Variants in ANK2 observed in about 807,000 individuals in gnomAD.
ANK2 encodes the protein ankyrin 2.
In ANK2, 83 loss-of-function variants were observed where a neutral mutation model predicts 360.5. The observed-to-expected ratio is 0.23, with a 90% confidence interval of 0.19 to 0.28. The LOEUF (loss-of-function observed/expected upper bound fraction) is 0.28. ANK2 is among the 10% of genes least tolerant of loss of function. ANK2 has a pLI of 1.00. For missense variants in ANK2, 4,201 were observed against 4,795.7 expected, an observed-to-expected ratio of 0.88 and a Z score of 3.66; for synonymous variants, 1,740 against 1,759.5, an observed-to-expected ratio of 0.99 and a Z score of 0.28.
At chr4:112,749,871 G>A in the ANK2 span, among the ~76,000 whole-genome samples, 153 of 151,958 alleles carry the variant, frequency 1.0e-3, no homozygotes, top group African/African-American at 3.0e-3. Flanking sequence ...TCAGGCTCCC[G>A]AGTAGCTGAG....
intron 21 of ANK2, chr4:113,293,161 A>C (rs531650976): frequency 5.4e-6 from 3 of 551,858 alleles, no homozygotes; most frequent in African/African-American, 3.7e-5. Context: ...CAGTATTTGT[A>C]GAAGATATTT....
intron 45 of ANK2, among the ~76,000 whole-genome samples, chr4:113,378,430 C>T (rs140517618): frequency 8.5e-5 from 13 of 152,240 alleles, no homozygotes; most frequent in Non-Finnish European, 1.6e-4. Flanking sequence ...AGTCTGACTC[C>T]CTGGGTTTTA....
At chr4:113,216,154 T>C (rs2099083063) in intron 4 of ANK2, among the ~76,000 whole-genome samples, 3 of 152,206 alleles carry the variant, frequency 2.0e-5, no homozygotes, top group Admixed American at 2.0e-4. Context: ...CACTAATATT[T>C]ATCATCATCT....
Position 113,051,089 on chromosome 4 carries a change from C to T in ANK2, c.84+1277C>T, listed in dbSNP as rs1262249328. On this transcript the variant is annotated intron_variant, in intron 1 of 45. Coordinates refer to ENST00000357077, the MANE Select transcript of ANK2 (RefSeq NM_001148.6). The stretch of plus-strand genomic sequence containing the variant: ...AGGAACATTGGTAGAATGTCCTTTT[C>T]CTTTTGTACCTAAGCATTCCAGATC... Among the ~76,000 whole-genome samples the T allele has an allele frequency of 2.0e-5, 3 of 151,996 alleles. No homozygotes were observed. The East Asian group carries it at 5.8e-4, about 29-fold the overall frequency.
chr4:112,796,845 C>G, the ANK2 span, among the ~76,000 whole-genome samples: 8 of 152,184 alleles, frequency 5.3e-5, no homozygotes, highest in East Asian at 1.2e-3. Context: ...ATCAACATAC[C>G]ATTTTTGACA....
chr4:112,767,240 T>G, the ANK2 span, among the ~76,000 whole-genome samples: 2 of 152,052 alleles, frequency 1.3e-5, no homozygotes, highest in Non-Finnish European at 2.9e-5. Flanking sequence ...AATGCTAAAT[T>G]TAATCTGACT....
At chr4:113,160,765 C>T (rs1157733872) in intron 1 of ANK2, among the ~76,000 whole-genome samples, 1 of 152,188 alleles carries the variant, frequency 6.6e-6, no homozygotes, top group African/African-American at 2.4e-5. Flanking sequence ...TTGGACCCCA[C>T]TTGAGCCATG....
chr4:113,063,698 A>G (rs1215299352), intron 1 of ANK2, among the ~76,000 whole-genome samples: 1 of 152,186 alleles, frequency 6.6e-6, no homozygotes, highest in Non-Finnish European at 1.5e-5. Context: ...TGAATTATGA[A>G]AAATGATATT....
intron 1 of ANK2, among the ~76,000 whole-genome samples, chr4:113,090,284 T>C (rs2087179798): frequency 3.3e-5 from 5 of 152,216 alleles, no homozygotes; most frequent in Admixed American, 3.3e-4. Context: ...TACTCTCAAC[T>C]CCTTACTTTT....
intron 1 of ANK2, among the ~76,000 whole-genome samples, chr4:113,097,496 A>G (rs896826310): frequency 1.3e-5 from 2 of 152,106 alleles, no homozygotes; most frequent in African/African-American, 4.8e-5. Context: ...GTGTTTTCTT[A>G]TCAAAGATTA....
chr4:113,062,216 T>C (rs2073825172), intron 1 of ANK2, among the ~76,000 whole-genome samples: 1 of 152,078 alleles, frequency 6.6e-6, no homozygotes, highest in Non-Finnish European at 1.5e-5. Flanking sequence ...GATTTTTAAC[T>C]CTCTATGTCA....
intron 1 of ANK2, among the ~76,000 whole-genome samples, chr4:113,128,915 A>G (rs2095838622): frequency 6.6e-6 from 1 of 152,216 alleles, no homozygotes; most frequent in Non-Finnish European, 1.5e-5. Flanking sequence ...TTCAGTAGCA[A>G]TGAGCAAACC....
chr4:113,066,649 G>A (rs1193541496), intron 1 of ANK2, among the ~76,000 whole-genome samples: 3 of 152,132 alleles, frequency 2.0e-5, no homozygotes, highest in African/African-American at 7.2e-5. Context: ...GCCAGGCACA[G>A]GTGTGACTGA....
chr4:113,182,801 G>A (rs1199522230), intron 2 of ANK2, among the ~76,000 whole-genome samples: 1 of 152,086 alleles, frequency 6.6e-6, no homozygotes, highest in Non-Finnish European at 1.5e-5. Context: ...GGCAGACCAA[G>A]GACTGCTTCA....
upstream of ANK2, among the ~76,000 whole-genome samples, chr4:113,048,248 G>GTATATATATATATA (rs869196489): frequency 9.1e-4 from 33 of 36,244 alleles, no homozygotes; most frequent in East Asian, 4.8e-3. Context: ...CTACAAGTGT[G>GTATATATATATATA]TATATATATA....
chr4:113,030,020 AATT>A (rs2060062178), intron 2 of ANK2, among the ~76,000 whole-genome samples: 2 of 152,220 alleles, frequency 1.3e-5, no homozygotes, highest in South Asian at 4.1e-4. Flanking sequence ...AAAAGTTAAT[AATT>A]ATATTTATTA....
chr4:112,706,467 A>G, the ANK2 span, among the ~76,000 whole-genome samples: 2 of 152,102 alleles, frequency 1.3e-5, no homozygotes, highest in African/African-American at 4.8e-5. Flanking sequence ...CCAGACGTGT[A>G]ACTTCTGAAC....
intron 11 of ANK2, 61 bp downstream of exon 11, chr4:113,255,993 T>C (rs2049099207): frequency 1.3e-6 from 2 of 1,550,618 alleles, no homozygotes; most frequent in Non-Finnish European, 1.8e-6. Context: ...CCCACATTCA[T>C]TGACCAACAT....
intron 1 of ANK2, among the ~76,000 whole-genome samples, chr4:112,833,871 GTCTT>G (rs1468515118): frequency 1.3e-5 from 2 of 152,174 alleles, no homozygotes; most frequent in African/African-American, 4.8e-5. Context: ...GGATAAATAA[GTCTT>G]TCTTTATCCC....
Sources: allele counts gnomAD v4.1 joint callset (sites outside exome capture counted in the v4.1 genomes callset), GRCh38; gene constraint gnomAD v4.1.1; transcripts MANE v1.5; gene names NCBI Gene and HGNC (gene_info 2026-07-23, HGNC 2026-07-21).